PALM2AKAP2: variants seen among roughly 807,000 people sequenced by gnomAD.
PALM2AKAP2 encodes the protein PALM2-AKAP2 fusion protein.
A neutral mutation model predicts 71.5 loss-of-function variants in PALM2AKAP2; 37 were observed. The ratio of observed to expected loss-of-function variants is 0.52; its 90% confidence interval spans 0.40 to 0.68. The LOEUF (loss-of-function observed/expected upper bound fraction) is 0.68. Among genes scored for constraint, PALM2AKAP2 ranks in the 30% least tolerant of loss-of-function variants. The pLI is 0.00. For missense variants in PALM2AKAP2, 1,224 were observed against 1,191.8 expected, an observed-to-expected ratio of 1.03 and a Z score of -0.40; for synonymous variants, 468 against 478.8, an observed-to-expected ratio of 0.98 and a Z score of 0.29.
intron 1 of PALM2AKAP2, among the ~76,000 whole-genome samples, chr9:110,077,751 C>G (rs1834352238): frequency 6.6e-6 from 1 of 152,188 alleles, no homozygotes; most frequent in East Asian, 1.9e-4. Context: ...TGCAGTGGCT[C>G]ACGCCTGTAA....
At chr9:109,732,947 T>C (rs1640540067) in intron 1 of PALM2AKAP2, among the ~76,000 whole-genome samples, 1 of 152,002 alleles carries the variant, frequency 6.6e-6, no homozygotes, top group Non-Finnish European at 1.5e-5. Flanking sequence ...CCCAGGGAGA[T>C]CAAGGGATCA....
intron 1 of PALM2AKAP2, among the ~76,000 whole-genome samples, chr9:110,077,410 C>T (rs931753896): frequency 6.6e-6 from 1 of 152,180 alleles, no homozygotes; most frequent in Non-Finnish European, 1.5e-5. Flanking sequence ...AACACTTTAA[C>T]ATCTTGTGAC....
intron 1 of PALM2AKAP2, among the ~76,000 whole-genome samples, chr9:109,783,220 A>G (rs944160658): frequency 6.6e-6 from 1 of 152,076 alleles, no homozygotes; most frequent in Non-Finnish European, 1.5e-5. Flanking sequence ...GGTAGCTGTC[A>G]TTGGATGGTG....
chr9:110,171,405 G>A (rs1302611895), exon 4 of PALM2AKAP2: 6 of 152,158 alleles, frequency 3.9e-5, no homozygotes, highest in Admixed American at 2.0e-4. Flanking sequence ...CTTAACTTTT[G>A]CTATTACTCC....
At chr9:109,960,732 G>A (rs1017289642) in intron 6 of PALM2AKAP2, among the ~76,000 whole-genome samples, 5 of 152,150 alleles carry the variant, frequency 3.3e-5, no homozygotes, top group South Asian at 2.1e-4. Flanking sequence ...ATTTTCTCCC[G>A]TATGTCAGAA....
intron 7 of PALM2AKAP2, among the ~76,000 whole-genome samples, chr9:110,041,379 G>A (rs1376147404): frequency 6.6e-6 from 1 of 152,008 alleles, no homozygotes; most frequent in African/African-American, 2.4e-5. Context: ...TTATGTCAAT[G>A]TCGAGAAGGC....
At chr9:109,804,790 A>T (rs568813601) in intron 1 of PALM2AKAP2, among the ~76,000 whole-genome samples, 31 of 152,312 alleles carry the variant, frequency 2.0e-4, no homozygotes, top group African/African-American at 7.5e-4. Flanking sequence ...TAAGAAAGTG[A>T]AATGTACAAA....
chr9:110,160,064 A>T (rs1171405636), intron 3 of PALM2AKAP2, among the ~76,000 whole-genome samples: 1 of 152,162 alleles, frequency 6.6e-6, no homozygotes, highest in African/African-American at 2.4e-5. Flanking sequence ...CAGGAGGATT[A>T]CCATCCCCAC....
At chr9:110,147,248 C>CA (rs59763270) in intron 2 of PALM2AKAP2, among the ~76,000 whole-genome samples, 33,075 of 107,786 alleles carry the variant, frequency 0.31, 4,286 homozygotes, top group Middle Eastern at 0.42. Flanking sequence ...GACTCTGTCT[C>CA]AAAAAAAAAA....
chr9:109,676,580 T>G (rs13297341), intron 1 of PALM2AKAP2, among the ~76,000 whole-genome samples: 4 of 152,042 alleles, frequency 2.6e-5, no homozygotes, highest in African/African-American at 9.7e-5. Flanking sequence ...GACTTTAAGG[T>G]GGAAGTGATA....
At chr9:109,680,509 C>A (rs889643162) in intron 1 of PALM2AKAP2, among the ~76,000 whole-genome samples, 18 of 152,172 alleles carry the variant, frequency 1.2e-4, no homozygotes, top group Admixed American at 2.6e-4. Context: ...TTTTTCTGTG[C>A]CATGGATCTC....
At chr9:109,942,774 G>T (rs1037731168) in intron 6 of PALM2AKAP2, 3 of 1,614,026 alleles carry the variant, frequency 1.9e-6, no homozygotes, top group Non-Finnish European at 2.5e-6. Context: ...GCCCAGAGGG[G>T]GTCCATCAGA....
intron 6 of PALM2AKAP2, among the ~76,000 whole-genome samples, chr9:109,986,464 G>T (rs962462171): frequency 4.6e-5 from 7 of 152,138 alleles, no homozygotes; most frequent in African/African-American, 1.7e-4. Flanking sequence ...ATCTAATATG[G>T]ATCTGATAGG....
intron 3 of PALM2AKAP2, among the ~76,000 whole-genome samples, chr9:109,902,506 T>C (rs1224062184): frequency 6.6e-6 from 1 of 152,250 alleles, no homozygotes; most frequent in Non-Finnish European, 1.5e-5. Context: ...GCCATCATTG[T>C]AATGAAGTAA....
At chr9:109,994,326 A>G (rs1051819260) in intron 6 of PALM2AKAP2, among the ~76,000 whole-genome samples, 2 of 152,344 alleles carry the variant, frequency 1.3e-5, no homozygotes, top group Non-Finnish European at 1.5e-5. Context: ...CCAAAAGACT[A>G]GACAAACAGT....
At chr9:110,012,399 C>G (rs181597982) in intron 6 of PALM2AKAP2, among the ~76,000 whole-genome samples, 69 of 152,330 alleles carry the variant, frequency 4.5e-4, no homozygotes, top group African/African-American at 1.6e-3. Flanking sequence ...TTTCCCTCTT[C>G]TGACTGCACC....
At chr9:110,009,021 G>T in intron 6 of PALM2AKAP2, among the ~76,000 whole-genome samples, 1 of 152,160 alleles carries the variant, frequency 6.6e-6, no homozygotes, top group East Asian at 1.9e-4. Context: ...GGGAATATTT[G>T]CATGAGCGGC....
chr9:110,061,637 TTA>T (rs977495616), intron 1 of PALM2AKAP2, among the ~76,000 whole-genome samples: 24 of 148,136 alleles, frequency 1.6e-4, no homozygotes, highest in African/African-American at 4.9e-4. Context: ...ATATATTTAT[TTA>T]TATATATATG....
intron 1 of PALM2AKAP2, among the ~76,000 whole-genome samples, chr9:109,837,140 T>A (rs1273833269): frequency 6.6e-6 from 1 of 152,172 alleles, no homozygotes; most frequent in Non-Finnish European, 1.5e-5. Context: ...AAGGTCAGGT[T>A]ACCCACAAAG....
Sources: gnomAD v4.1 joint callset for allele counts (sites outside exome capture counted in the v4.1 genomes callset) on GRCh38, gnomAD v4.1.1 for gene constraint, MANE v1.5 for transcripts, NCBI Gene and HGNC (gene_info 2026-07-23, HGNC 2026-07-21) for gene names.